Variants in PCLO observed in about 807,000 individuals in gnomAD.
The protein encoded by PCLO is protein piccolo.
A neutral mutation model predicts 427.5 loss-of-function variants in PCLO; 82 were observed. The observed-to-expected ratio is 0.19, with a 90% CI of 0.16 to 0.23. The LOEUF (loss-of-function observed/expected upper bound fraction) is 0.23. Ranked by LOEUF, PCLO falls within the 10% of genes least tolerant of loss-of-function variation. PCLO has a pLI of 1.00. For synonymous variants in PCLO, 2,357 were observed against 2,155.4 expected (o/e 1.09, Z -2.59); for missense variants, 6,239 against 6,115.9 (o/e 1.02, Z -0.67).
intron 10 of PCLO, among the ~76,000 whole-genome samples, chr7:82,874,680 T>C (rs1793326524): frequency 6.6e-6 from 1 of 152,128 alleles, no homozygotes; most frequent in Admixed American, 6.6e-5. Context: ...TTTAAGTCTA[T>C]TAGGTAAGAT....
chr7:82,805,659 T>C, intron 21 of PCLO, 29 bp downstream of exon 21: 2 of 1,608,054 alleles, frequency 1.2e-6, no homozygotes, highest in African/African-American at 2.7e-5. Context: ...CTGAGTAAGC[T>C]TTGTAGTAAC....
intron 3 of PCLO, among the ~76,000 whole-genome samples, chr7:83,033,239 G>A (rs931429903): frequency 6.6e-6 from 1 of 152,020 alleles, no homozygotes; most frequent in Non-Finnish European, 1.5e-5. Flanking sequence ...ACTAATAGAA[G>A]GGTTAAAGGC....
At chr7:82,985,486 C>G (rs1796236975) in intron 3 of PCLO, among the ~76,000 whole-genome samples, 1 of 151,970 alleles carries the variant, frequency 6.6e-6, no homozygotes. Flanking sequence ...GGGGTTAGCA[C>G]TGATATTTTT....
At chr7:83,010,950 T>C (rs960636595) in intron 3 of PCLO, among the ~76,000 whole-genome samples, 1 of 152,056 alleles carries the variant, frequency 6.6e-6, no homozygotes, top group African/African-American at 2.4e-5. Context: ...ATTCTTTCTT[T>C]CCAACTTTAA....
Position 82,953,426 on chromosome 7 carries a change from T to C in PCLO, c.7527A>G (p.Pro2509=), listed in dbSNP as rs1795413524. The C allele has an allele frequency of 6.2e-7, 1 of 1,613,488 alleles. No homozygotes were observed. The highest frequency in any genetic ancestry group is 8.5e-7 in the Non-Finnish European group (1 of 1,179,788). ...GAGGAATCACTGGTTTGGGGGCGATTGGAGGTTTGCTTGGCTCAGGCCTGT... is the reference window on the plus strand; with the variant it reads ...GAGGAATCACTGGTTTGGGGGCGATCGGAGGTTTGCTTGGCTCAGGCCTGT... ...FTHRPEPSKP[P]IAPKPVIPQL... The change falls in exon 5 of 25, where the codon CCA becomes CCG. Residue 2509 remains proline, a synonymous_variant. Transcript: ENST00000333891.
chr7:82,838,365 C>A, intron 14 of PCLO, 23 bp from the exon 15 acceptor site: 2 of 1,353,478 alleles, frequency 1.5e-6, no homozygotes, highest in Non-Finnish European at 2.0e-6. Flanking sequence ...GAAAAATATT[C>A]CATAAGTTTT....
rs753205355 is a variant in PCLO, at chr7:82,952,335, G to C, written c.8618C>G (p.Thr2873Ser). The change falls in exon 5 of 25, where the codon ACT becomes AGT. Residue 2873 changes from threonine to serine, a missense_variant. Thr to Ser is a moderately conservative substitution (Grantham distance 58). Around this residue, in one of 5 missense-constraint regions of PCLO, gnomAD observed 4,677 missense variants for 4,468.4 expected, o/e 1.05. Transcript: ENST00000333891. The stretch of plus-strand genomic sequence containing the variant: ...ATTTGTGACACCAACAGGAGGCACA[G>C]TGACAGGTTTTGTAATAGCCAATGT... ...AVTLAITKPV[T>S]VPPVGVTNGW... The C allele has an allele frequency of 2.6e-5, 42 of 1,613,866 alleles. No individual in the cohort carries two copies. Among genetic ancestry groups the C allele is most frequent in the African/African-American group, 4.0e-5 (3 of 74,926 alleles).
At chr7:82,910,959 A>G (rs1339140024) in intron 7 of PCLO, among the ~76,000 whole-genome samples, 1 of 152,192 alleles carries the variant, frequency 6.6e-6, no homozygotes, top group Non-Finnish European at 1.5e-5. Flanking sequence ...TCATGAAAAT[A>G]GAACAATAAT....
At chr7:82,816,060 A>G (rs1214360514) in intron 20 of PCLO, among the ~76,000 whole-genome samples, 1 of 152,088 alleles carries the variant, frequency 6.6e-6, no homozygotes, top group East Asian at 1.9e-4. Flanking sequence ...CAGCACAGTA[A>G]TAAAAATGGA....
At chr7:83,132,887 TAA>T (rs1791609195) in intron 3 of PCLO, among the ~76,000 whole-genome samples, 1 of 152,020 alleles carries the variant, frequency 6.6e-6, no homozygotes, top group African/African-American at 2.4e-5. Context: ...ACTGCTCTTC[TAA>T]AAGTGTTTTT....
At chr7:82,975,092 T>TA (rs1243540963) in intron 3 of PCLO, among the ~76,000 whole-genome samples, 1 of 152,180 alleles carries the variant, frequency 6.6e-6, no homozygotes, top group African/African-American at 2.4e-5. Context: ...ATCTTTATTA[T>TA]AAAATCTGTA....
intron 3 of PCLO, among the ~76,000 whole-genome samples, chr7:83,096,002 C>T (rs1022486314): frequency 5.3e-5 from 8 of 151,756 alleles, no homozygotes; most frequent in African/African-American, 9.7e-5. Context: ...TTCATTAAAT[C>T]GGGGAGTTTA....
intron 9 of PCLO, among the ~76,000 whole-genome samples, chr7:82,884,018 C>T (rs1414182948): frequency 2.6e-5 from 4 of 152,158 alleles, no homozygotes; most frequent in Non-Finnish European, 5.9e-5. Context: ...TGATGCCTGC[C>T]TTGGCCTCCC....
Position 83,125,858 on chromosome 7 carries a change from G to A in PCLO, c.3300+8392C>T, listed in dbSNP as rs1008687771. Among the ~76,000 whole-genome samples, 27 of 151,166 alleles carry A rather than the reference G, an allele frequency of 1.8e-4. 1 individual carries two copies. Among genetic ancestry groups the A allele is most frequent in the African/African-American group, 5.6e-4 (23 of 41,042 alleles). On this transcript the variant is annotated intron_variant, in intron 3 of 24. Transcript: ENST00000333891. ...ATGACCCTGCCAAATCCCCCTCTCCGAGAAACACCCAAGAATGATCAATAA... is the reference window on the plus strand; with the variant it reads ...ATGACCCTGCCAAATCCCCCTCTCCAAGAAACACCCAAGAATGATCAATAA...
At chr7:83,145,931 T>A (rs1036816897) in intron 2 of PCLO, among the ~76,000 whole-genome samples, 3 of 152,212 alleles carry the variant, frequency 2.0e-5, no homozygotes, top group African/African-American at 7.2e-5. Flanking sequence ...CAAAGCACCA[T>A]CTTATGATTA....
chr7:82,984,408 CTGTGTGTGTGTGTGTGTGTGTG>C (rs5885327), intron 3 of PCLO, among the ~76,000 whole-genome samples: 2 of 135,866 alleles, frequency 1.5e-5, no homozygotes, highest in African/African-American at 2.8e-5. Context: ...AATGTGGTGT[CTGTGTGTGTGTGTGTGTGTGTG>C]TGTGTGTGTG....
chr7:82,772,900 A>T (rs1226993816), intron 22 of PCLO, among the ~76,000 whole-genome samples: 2 of 152,166 alleles, frequency 1.3e-5, no homozygotes, highest in African/African-American at 2.4e-5. Context: ...CAGAGGAAAA[A>T]CTGAAATTGT....
chr7:82,810,385 T>C (rs1036030155), intron 20 of PCLO, among the ~76,000 whole-genome samples: 3 of 151,674 alleles, frequency 2.0e-5, no homozygotes, highest in African/African-American at 4.8e-5. Flanking sequence ...ATAAGATACA[T>C]CTTTGGGGCC....
At chr7:83,002,881 G>T (rs1192070503) in intron 3 of PCLO, among the ~76,000 whole-genome samples, 1 of 151,590 alleles carries the variant, frequency 6.6e-6, no homozygotes, top group East Asian at 1.9e-4. Context: ...GTAAGCAAGA[G>T]ATTAAAAATA....
Sources: gnomAD v4.1 joint callset for allele counts (sites outside exome capture counted in the v4.1 genomes callset) on GRCh38, gnomAD v4.1.1 for gene constraint, gnomAD v4.1.1 regional missense constraint, MANE v1.5 for transcripts, NCBI Gene and HGNC (gene_info 2026-07-23, HGNC 2026-07-21) for gene names.